KIF26B: variants seen among roughly 807,000 people sequenced by gnomAD.
KIF26B encodes kinesin family member 26B.
A neutral mutation model predicts 151.2 loss-of-function variants in KIF26B; 63 were observed. The observed-to-expected ratio is 0.42, with a 90% CI of 0.34 to 0.51. KIF26B has a LOEUF of 0.51. Among genes scored for constraint, KIF26B ranks in the 20% least tolerant of loss-of-function variants. The pLI, the probability that KIF26B is intolerant of heterozygous loss-of-function variation, is 0.07. For missense variants in KIF26B, 2,813 were observed against 2,913.6 expected (o/e 0.97, Z 0.79); for synonymous variants, 1,357 against 1,262.1 (o/e 1.08, Z -1.59).
intron 4 of KIF26B, among the ~76,000 whole-genome samples, chr1:245,530,650 C>G: frequency 6.6e-6 from 1 of 152,206 alleles, no homozygotes; most frequent in Admixed American, 6.5e-5. Context: ...AATCTTTCAG[C>G]TCCTACCAGA....
Position 245,239,003 on chromosome 1 carries a change from C to CTCT in KIF26B, c.465+82322_465+82324dup, listed in dbSNP as rs1168895133. 6.6e-6 allele frequency among the ~76,000 whole-genome samples: 1 copy of CTCT among 152,162 alleles called. No individual in the cohort carries two copies. The highest frequency in any genetic ancestry group is 1.9e-4 in the East Asian group (1 of 5,194). ...TCTCTGTAGACCCGACTTTGAGGAGCTCTTGATATGGAGACGTGGTTTCTT... is the reference window on the plus strand; with the variant it reads ...TCTCTGTAGACCCGACTTTGAGGAGCTCTTCTTGATATGGAGACGTGGTTTCTT... On this transcript the variant is annotated intron_variant, in intron 2 of 14. Coordinates refer to ENST00000407071, the MANE Select transcript of KIF26B (RefSeq NM_018012.4). The surrounding 1 kb of genome is among the most constrained non-coding windows in gnomAD (Gnocchi z 4.3).
intron 6 of KIF26B, among the ~76,000 whole-genome samples, chr1:245,605,551 G>A (rs1484967584): frequency 2.0e-5 from 3 of 152,174 alleles, no homozygotes; most frequent in South Asian, 2.1e-4. Context: ...CAGTGGCTTC[G>A]GCAGTCGCTG....
At chr1:245,579,658 A>AAAAC (rs60952626) in intron 5 of KIF26B, among the ~76,000 whole-genome samples, 2,436 of 148,612 alleles carry the variant, frequency 0.016, 48 homozygotes, top group East Asian at 0.098. Flanking sequence ...AAAAATACAA[A>AAAAC]AAACAAACAA....
At chr1:245,383,379 C>T (rs1289451247) in intron 3 of KIF26B, among the ~76,000 whole-genome samples, 1 of 152,130 alleles carries the variant, frequency 6.6e-6, no homozygotes, top group Non-Finnish European at 1.5e-5. Context: ...TGATGAATAT[C>T]CTGAACACAG....
intron 2 of KIF26B, among the ~76,000 whole-genome samples, chr1:245,283,283 C>T (rs1330319043): frequency 6.6e-6 from 1 of 151,804 alleles, no homozygotes; most frequent in Non-Finnish European, 1.5e-5. Flanking sequence ...CCTAAGCCCA[C>T]CCACCGCGAG....
At chr1:245,285,576 A>G (rs991277633) in intron 2 of KIF26B, among the ~76,000 whole-genome samples, 3 of 150,234 alleles carry the variant, frequency 2.0e-5, no homozygotes, top group Admixed American at 6.7e-5. Flanking sequence ...TTACTCAAGT[A>G]TGTTCATCTC....
At chr1:245,545,166 A>G (rs1558208315) in intron 5 of KIF26B, among the ~76,000 whole-genome samples, 1 of 151,358 alleles carries the variant, frequency 6.6e-6, no homozygotes. Flanking sequence ...CAGTGGTACA[A>G]TCTTGGCTCA....
chr1:245,643,562 G>T (rs1000053328), intron 9 of KIF26B, among the ~76,000 whole-genome samples: 13 of 152,106 alleles, frequency 8.5e-5, no homozygotes, highest in Middle Eastern at 6.8e-3. Flanking sequence ...TCATTCACAC[G>T]TTACATTATG....
At chr1:245,379,905 A>G (rs1673366616) in intron 3 of KIF26B, among the ~76,000 whole-genome samples, 2 of 149,298 alleles carry the variant, frequency 1.3e-5, no homozygotes, top group South Asian at 4.3e-4. Flanking sequence ...CGGGCGGCAG[A>G]GGTTGCAGTG....
intron 5 of KIF26B, among the ~76,000 whole-genome samples, chr1:245,559,431 G>C (rs552709938): frequency 4.0e-5 from 6 of 151,828 alleles, no homozygotes; most frequent in African/African-American, 1.2e-4. Context: ...GGTTTTTGTC[G>C]AGACGGAGTC....
intron 2 of KIF26B, among the ~76,000 whole-genome samples, chr1:245,158,964 C>T (rs6429526): frequency 0.93 from 141,176 of 152,154 alleles, 65,773 homozygotes; most frequent in Non-Finnish European, 0.98. Context: ...TTGCCATGTT[C>T]TCTGGTGTAC....
chr1:245,503,607 CTT>C (rs756942185), intron 4 of KIF26B, among the ~76,000 whole-genome samples: 2 of 152,196 alleles, frequency 1.3e-5, no homozygotes, highest in Non-Finnish European at 2.9e-5. Context: ...AAAAACCTCT[CTT>C]AAGTCTGTGA....
At chr1:245,517,120 G>A (rs1166062911) in intron 4 of KIF26B, among the ~76,000 whole-genome samples, 5 of 152,234 alleles carry the variant, frequency 3.3e-5, no homozygotes, top group Non-Finnish European at 4.4e-5. Context: ...AATCCCAGCC[G>A]CCAAGGCGGG....
rs149753266 is a variant in KIF26B at position 245,228,056 on chromosome 1, C to T, written c.465+71373C>T. Among the ~76,000 whole-genome samples, 1,309 of 152,224 alleles carry T rather than the reference C, an allele frequency of 8.6e-3. 24 individuals are homozygous for T. The highest frequency in any genetic ancestry group is 0.029 in the African/African-American group (1,222 of 41,536). ...TTTATTCATGGAAACAATGATATAA[C>T]ATTCTTAGACTTGCCTTCAAAGGCC... On this transcript the variant is annotated intron_variant, in intron 2 of 14. Transcript: ENST00000407071.
intron 2 of KIF26B, among the ~76,000 whole-genome samples, chr1:245,285,120 C>T (rs1303454465): frequency 6.6e-6 from 1 of 152,236 alleles, no homozygotes; most frequent in East Asian, 1.9e-4. Context: ...TCTGCTGGTC[C>T]AGGCTGTGCT....
Position 245,426,913 on chromosome 1 carries a change from A to T in KIF26B, c.1166+7168A>T, listed in dbSNP as rs563405135. 3.9e-5 allele frequency among the ~76,000 whole-genome samples: 6 copies of T among 152,304 alleles called. No homozygotes were observed. In the South Asian group the frequency reaches 1.0e-3, roughly 26 times the overall value. ...GTGATGGTTTCAGCAAATGCTTTTC[A>T]TATATGATCTTGTATGATGAAGGCT... On this transcript the variant is annotated intron_variant, in intron 4 of 14. Transcript: ENST00000407071.
rs115325145 is a variant in KIF26B, at chr1:245,444,508, G to C, written c.1166+24763G>C. Among the ~76,000 whole-genome samples, 606 of 152,352 alleles carry C rather than the reference G, an allele frequency of 4.0e-3. 5 individuals carry two copies. The highest frequency in any genetic ancestry group is 0.013 in the African/African-American group (541 of 41,584). On this transcript the variant is annotated intron_variant, in intron 4 of 14. Transcript: ENST00000407071. The stretch of plus-strand genomic sequence containing the variant: ...GAGCCGCAAGATTAACCAGATACCC[G>C]TGGTATTTTCAAGCAACACCATCTG...
At chr1:245,361,569 T>C (rs1366293565) in intron 2 of KIF26B, among the ~76,000 whole-genome samples, 2 of 152,184 alleles carry the variant, frequency 1.3e-5, no homozygotes, top group Non-Finnish European at 2.9e-5. Flanking sequence ...ATGACAAACC[T>C]TGGGTTCAGA....
chr1:245,523,441 C>G (rs1355723741), intron 4 of KIF26B, among the ~76,000 whole-genome samples: 1 of 152,094 alleles, frequency 6.6e-6, no homozygotes, highest in African/African-American at 2.4e-5. Context: ...CAGACAATAC[C>G]TGTCTTAGTT....
Sources: gnomAD v4.1 joint callset for allele counts (sites outside exome capture counted in the v4.1 genomes callset) on GRCh38, gnomAD v4.1.1 for gene constraint, Gnocchi (gnomAD v3.1) non-coding constraint, MANE v1.5 for transcripts, NCBI Gene and HGNC (gene_info 2026-07-23, HGNC 2026-07-21) for gene names.